The following BCL9 variants were observed in gnomAD, a reference collection of about 807,000 sequenced individuals.
The protein encoded by BCL9 is B-cell CLL/lymphoma 9 protein.
A neutral mutation model predicts 88.5 loss-of-function variants in BCL9; 25 were observed. That is an observed-to-expected ratio of 0.28 (90% confidence interval 0.21 to 0.39). The LOEUF (loss-of-function observed/expected upper bound fraction) is 0.39. Ranked by LOEUF, BCL9 falls within the 10% of genes least tolerant of loss-of-function variation. The pLI is 1.00. For synonymous variants in BCL9, 711 were observed against 673.3 expected (o/e 1.06, Z -0.87); for missense variants, 1,817 against 1,877.8 (o/e 0.97, Z 0.60).
At chr1:147,605,539 A>T (rs1238650621) in intron 2 of BCL9, among the ~76,000 whole-genome samples, 5 of 152,240 alleles carry the variant, frequency 3.3e-5, no homozygotes, top group African/African-American at 1.2e-4. Context: ...AGCTTGATAT[A>T]AAATTTAATT....
At chr1:147,622,166 C>A in intron 8 of BCL9, 105 bp from the exon 9 acceptor site, 1 of 1,433,874 alleles carries the variant, frequency 7.0e-7, no homozygotes, top group Non-Finnish European at 9.6e-7. Flanking sequence ...CTGTCCTGTT[C>A]ATCTGTCTCA....
chr1:147,556,375 C>T (rs1055226656), intron 1 of BCL9, among the ~76,000 whole-genome samples: 3 of 151,756 alleles, frequency 2.0e-5, no homozygotes, highest in Admixed American at 6.6e-5. Flanking sequence ...CTGCCTGCCT[C>T]GGCCTCCCAA....
chr1:147,566,086 G>C (rs1337548490), intron 1 of BCL9, among the ~76,000 whole-genome samples: 5 of 152,180 alleles, frequency 3.3e-5, no homozygotes, highest in African/African-American at 1.2e-4. Flanking sequence ...TGGTGGGGGA[G>C]GGGGAATATT....
In BCL9 at chr1:147,574,929, C is replaced by CTT. The variant is rs587594547; in HGVS notation, c.-477-29846_-477-29845dup. Among the ~76,000 whole-genome samples, 663 of 152,280 alleles carry CTT rather than the reference C, an allele frequency of 4.4e-3. 8 individuals are homozygous for CTT. Among genetic ancestry groups the CTT allele is most frequent in the South Asian group, 0.016 (78 of 4,822 alleles). ...GGATGAGCCCTTGGTCTACTCCACA[C>CTT]TTTGACTCCCATGTAGCAAGTATAG... On this transcript the variant is annotated intron_variant, in intron 1 of 9. Coordinates refer to ENST00000234739, the MANE Select transcript of BCL9 (RefSeq NM_004326.4).
At chr1:147,589,847 C>A (rs1553199707) in intron 1 of BCL9, among the ~76,000 whole-genome samples, 17 of 152,160 alleles carry the variant, frequency 1.1e-4, no homozygotes. Flanking sequence ...CTTAGATAGA[C>A]ACCTAGAAGT....
intron 6 of BCL9, 128 bp from the exon 7 acceptor site, chr1:147,615,675 C>A: frequency 1.7e-6 from 1 of 589,528 alleles, no homozygotes; most frequent in Non-Finnish European, 2.9e-6. Context: ...TCTTCTTCAA[C>A]ATTTCTGGTG....
intron 1 of BCL9, among the ~76,000 whole-genome samples, chr1:147,566,775 AG>A (rs1220124703): frequency 7.3e-6 from 1 of 136,252 alleles, no homozygotes; most frequent in African/African-American, 2.6e-5. Context: ...AGAAAAAAAA[AG>A]AAAGTCATGG....
At chr1:147,587,078 C>A (rs1159763707) in intron 1 of BCL9, among the ~76,000 whole-genome samples, 2 of 151,724 alleles carry the variant, frequency 1.3e-5, no homozygotes, top group Non-Finnish European at 2.9e-5. Flanking sequence ...CACCCAACCC[C>A]GTCTCTCCTA....
intron 6 of BCL9, 61 bp downstream of exon 6, chr1:147,614,677 T>A (rs1340426233): frequency 2.1e-6 from 3 of 1,460,282 alleles, no homozygotes; most frequent in Non-Finnish European, 2.8e-6. Flanking sequence ...AAATTCTTAT[T>A]CCCATTGCAG....
Position 147,620,030 on chromosome 1 carries a change from A to G in BCL9, c.1875A>G (p.Gln625=), listed in dbSNP as rs782581514. The change falls in exon 8 of 10, where the codon CAA becomes CAG. Residue 625 remains glutamine, a synonymous_variant. Transcript: ENST00000234739. ...GAGGGGAACGCTTCCCAAACCCCCA[A>G]GGATTGTCTGAAGAGATGTTTCAGC... ...PGRGERFPNP[Q]GLSEEMFQQQ... is the part of the protein sequence containing the mutation. The G allele has an allele frequency of 1.2e-6, 2 of 1,614,090 alleles. No individual in the cohort carries two copies. The highest frequency in any genetic ancestry group is 1.7e-6 in the Non-Finnish European group (2 of 1,180,008).
intron 1 of BCL9, among the ~76,000 whole-genome samples, chr1:147,570,002 A>G (rs1655803673): frequency 6.6e-6 from 1 of 152,234 alleles, no homozygotes; most frequent in South Asian, 2.1e-4. Flanking sequence ...TTGAATATAA[A>G]GACTCTGTGG....
At chr1:147,568,400 A>G (rs1440792204) in intron 1 of BCL9, among the ~76,000 whole-genome samples, 4 of 152,064 alleles carry the variant, frequency 2.6e-5, no homozygotes, top group Non-Finnish European at 5.9e-5. Flanking sequence ...ATTCTAACTG[A>G]AGGCTTAAAT....
At chr1:147,558,731 A>G (rs782404406) in intron 1 of BCL9, among the ~76,000 whole-genome samples, 7 of 152,232 alleles carry the variant, frequency 4.6e-5, no homozygotes, top group African/African-American at 1.7e-4. Context: ...ATAGGACATG[A>G]TATAGAAATC....
At chr1:147,599,886 G>T (rs1178203137) in intron 1 of BCL9, among the ~76,000 whole-genome samples, 1 of 151,152 alleles carries the variant, frequency 6.6e-6, no homozygotes, top group Non-Finnish European at 1.5e-5. Flanking sequence ...TGGGGAGGGG[G>T]ACGAGCGACT....
intron 1 of BCL9, among the ~76,000 whole-genome samples, chr1:147,559,314 G>A (rs1655264143): frequency 6.6e-6 from 1 of 152,002 alleles, no homozygotes; most frequent in Non-Finnish European, 1.5e-5. Context: ...CTCTTTGGGA[G>A]GTCATAAGAA....
At chr1:147,560,237 A>T (rs1655314050) in intron 1 of BCL9, among the ~76,000 whole-genome samples, 1 of 152,088 alleles carries the variant, frequency 6.6e-6, no homozygotes, top group Non-Finnish European at 1.5e-5. Context: ...ACACTGAGGG[A>T]CTGATCTTTG....
chr1:147,552,381 G>A (rs1213176483), intron 1 of BCL9, among the ~76,000 whole-genome samples: 1 of 152,192 alleles, frequency 6.6e-6, no homozygotes, highest in Non-Finnish European at 1.5e-5. Context: ...GCCAAGGCGG[G>A]TGGAACAACT....
chr1:147,582,640 G>A (rs971425586), intron 1 of BCL9, among the ~76,000 whole-genome samples: 5 of 152,132 alleles, frequency 3.3e-5, no homozygotes, highest in Admixed American at 6.5e-5. Context: ...AAAATCAACA[G>A]AATAATAATA....
Position 147,623,868 on chromosome 1 carries a change from C to G in BCL9, c.3190C>G (p.Arg1064Gly), listed in dbSNP as rs373321043. 3.5e-5 allele frequency: 57 copies of G among 1,613,652 alleles called. No individual in the cohort carries two copies. Among genetic ancestry groups the G allele is most frequent in the Non-Finnish European group, 1.7e-5 (20 of 1,179,738 alleles). The part of the protein sequence containing the change: ...PGMGINTQNP[R>G]ISGPNPVVPM... ...AATGGGCATTAATACACAGAATCCT[C>G]GAATTTCAGGTCCAAACCCCGTGGT... The change falls in exon 10 of 10, where the codon CGA becomes GGA. Residue 1064 changes from arginine (R) to glycine (G), a missense_variant. Physicochemically the swap from Arg to Gly is moderately radical, Grantham distance 125. Coordinates refer to ENST00000234739, the MANE Select transcript of BCL9 (RefSeq NM_004326.4).
Sources: gnomAD v4.1 joint callset for allele counts (sites outside exome capture counted in the v4.1 genomes callset) on GRCh38, gnomAD v4.1.1 for gene constraint, MANE v1.5 for transcripts, NCBI Gene and HGNC (gene_info 2026-07-23, HGNC 2026-07-21) for gene names.